NSL1: variants seen among roughly 807,000 people sequenced by gnomAD.
NSL1 encodes the protein kinetochore-associated protein NSL1 homolog.
A neutral mutation model predicts 25.4 loss-of-function variants in NSL1; 11 were observed. That is an observed-to-expected ratio of 0.43 (90% CI 0.27 to 0.72). The LOEUF is 0.72. NSL1 is among the 30% of genes least tolerant of loss of function. The pLI is 0.19. For synonymous variants in NSL1, 118 were observed against 120.6 expected, an observed-to-expected ratio of 0.98 and a Z score of 0.14; for missense variants, 330 against 342.7, an observed-to-expected ratio of 0.96 and a Z score of 0.29.
chr1:212,727,091 G>GT lies in NSL1; in HGVS notation c.*11316_*11317insA, dbSNP rs1558030802. The stretch of plus-strand genomic sequence containing the variant: ...CACCCAGCTTCATCCTCTTCATCTT[G>GT]CCAGTTCACCAGAGGCAGAAGGGAT... On this transcript the variant is annotated 3_prime_UTR_variant, in exon 6 of 6. Coordinates refer to ENST00000366977, the MANE Select transcript of NSL1 (RefSeq NM_015471.4). 1.0e-4 allele frequency: 145 copies of GT among 1,433,480 alleles called. No individual in the cohort carries two copies. In the East Asian group the frequency reaches 1.4e-3, roughly 14 times the overall value. The allele number at this position is 1,433,480 out of a possible 1,614,324, so 88.8% of individuals were successfully genotyped here. A position where few individuals can be genotyped will look rare whatever the true frequency, so the allele number is the denominator to read the frequency against.
chr1:212,773,427 A>C (rs903066506), intron 4 of NSL1, among the ~76,000 whole-genome samples: 1 of 152,248 alleles, frequency 6.6e-6, no homozygotes, highest in Non-Finnish European at 1.5e-5. Flanking sequence ...AGATATATGA[A>C]AAGATGCTCA....
chr1:212,779,966 A>G (rs1471044206), intron 4 of NSL1, among the ~76,000 whole-genome samples: 14 of 150,356 alleles, frequency 9.3e-5, no homozygotes, highest in Non-Finnish European at 1.8e-4. Flanking sequence ...GGAAGTGAGG[A>G]GCCCCTCTGC....
chr1:212,751,113 A>AT (rs772903627), intron 4 of NSL1, among the ~76,000 whole-genome samples: 2 of 152,146 alleles, frequency 1.3e-5, no homozygotes, highest in African/African-American at 2.4e-5. Flanking sequence ...AATACTATTG[A>AT]TTTTTTTTAC....
intron 2 of NSL1, among the ~76,000 whole-genome samples, chr1:212,786,155 T>C (rs757248935): frequency 6.6e-6 from 1 of 151,930 alleles, no homozygotes; most frequent in Non-Finnish European, 1.5e-5. Context: ...CACACACAGA[T>C]TGATTTTCAA....
At chr1:212,779,831 G>T (rs1432857441) in intron 4 of NSL1, among the ~76,000 whole-genome samples, 1 of 142,360 alleles carries the variant, frequency 7.0e-6, no homozygotes, top group East Asian at 2.1e-4. Flanking sequence ...GGAGGGAGGT[G>T]GGGGGGTCAG....
intron 4 of NSL1, among the ~76,000 whole-genome samples, chr1:212,742,905 G>T (rs946847729): frequency 1.3e-5 from 2 of 152,096 alleles, no homozygotes; most frequent in African/African-American, 4.8e-5. Context: ...TGAGATCCCT[G>T]TATTTTGTGT....
Position 212,731,896 on chromosome 1 carries a change from C to T in NSL1, c.*6512G>A. ...ATGTCCTGGGACACCCTACCCTGCC[C>T]CAGGACCCAGCAGCTATAAGGGCCT... On this transcript the variant is annotated 3_prime_UTR_variant, in exon 6 of 6. Transcript: ENST00000366977. 1 of 985,408 alleles carries T rather than the reference C, an allele frequency of 1.0e-6. No homozygotes were observed. Among genetic ancestry groups the T allele is most frequent in the South Asian group, 4.7e-5 (1 of 21,284 alleles). The allele number at this position is 985,408 out of a possible 1,614,324, so 61.0% of individuals were successfully genotyped here.
intron 3 of NSL1, 165 bp downstream of exon 3, chr1:212,784,198 T>C (rs976141811): frequency 1.6e-5 from 7 of 448,870 alleles, no homozygotes; most frequent in Non-Finnish European, 2.8e-5. Context: ...TACTATGTCA[T>C]AGTACAACTT....
rs1657994747 is a variant in NSL1 at position 212,731,097 on chromosome 1, A to AC, written c.*7310dup. 2.0e-6 allele frequency: 2 copies of AC among 984,228 alleles called. No homozygotes were observed. Among genetic ancestry groups the AC allele is most frequent in the Non-Finnish European group, 2.4e-6 (2 of 829,598 alleles). 61.0% of individuals were successfully genotyped at this position (984,228 alleles called of 1,614,324 possible). On this transcript the variant is annotated 3_prime_UTR_variant, in exon 6 of 6. Coordinates refer to ENST00000366977, the MANE Select transcript of NSL1 (RefSeq NM_015471.4). ...ATCCTTTCATATAAAATCCCCAAGA[A>AC]CCCCCTTCAGTGGTTCTCTAGAGAG... is the stretch of plus-strand genomic sequence containing the variant.
In NSL1 at chr1:212,758,528, A is replaced by G. The variant is rs1216137699; in HGVS notation, c.500-18927T>C. 2.6e-5 allele frequency among the ~76,000 whole-genome samples: 4 copies of G among 152,352 alleles called. No homozygotes were observed. In the East Asian group the frequency reaches 7.7e-4, roughly 29 times the overall value. On this transcript the variant is annotated intron_variant, in intron 4 of 5. Coordinates refer to ENST00000366977, the MANE Select transcript of NSL1 (RefSeq NM_015471.4). The stretch of plus-strand genomic sequence containing the variant: ...CACAGTAGCAAAGAAGAAACCAAAA[A>G]TAAAATTTAAAAATAATTCAATTTA...
chr1:212,732,763 C>G lies in NSL1; in HGVS notation c.*5645G>C, dbSNP rs996087473. 1.1e-4 allele frequency: 54 copies of G among 473,960 alleles called. No individual in the cohort carries two copies. The highest frequency in any genetic ancestry group is 1.5e-4 in the Non-Finnish European group (53 of 362,706). 29.4% of individuals were successfully genotyped at this position (473,960 alleles called of 1,614,324 possible). A position where few individuals can be genotyped will look rare whatever the true frequency, so the allele number is the denominator to read the frequency against. On this transcript the variant is annotated 3_prime_UTR_variant, in exon 6 of 6. Coordinates refer to ENST00000366977, the MANE Select transcript of NSL1 (RefSeq NM_015471.4). ...AGAGCACAGCCCCTGGTAGAACCCC[C>G]AAACGGGATGCCTTGGAGGTAATTT...
In NSL1 at chr1:212,784,461, C is replaced by A; in HGVS notation, c.346G>T (p.Asp116Tyr). The A allele has an allele frequency of 6.3e-7, 1 of 1,576,382 alleles. No homozygotes were observed. Among genetic ancestry groups the A allele is most frequent in the South Asian group, 1.2e-5 (1 of 86,042 alleles). ...GTGGCTATATCTACTATGATTTCAT[C>A]AAACTGATCTTCAAGTACTTTGATG... ...SDIKVLEDQF[D>Y]EIIVDIATKR... Residue 116 changes from aspartate to tyrosine, a missense_variant, in exon 3 of 6, where the codon GAT becomes TAT. Transcript: ENST00000366977.
At chr1:212,782,525 T>G in intron 3 of NSL1, 99 bp from the exon 4 acceptor site, 1 of 891,006 alleles carries the variant, frequency 1.1e-6, no homozygotes, top group Non-Finnish European at 1.8e-6. Context: ...GTCAGTACCA[T>G]TCTTTTGAGG....
chr1:212,763,065 G>A (rs1051179137), intron 4 of NSL1, among the ~76,000 whole-genome samples: 3 of 152,226 alleles, frequency 2.0e-5, no homozygotes, highest in Admixed American at 1.3e-4. Flanking sequence ...CCTTGGGCAG[G>A]TCTGAGTTCC....
chr1:212,768,908 A>G (rs1444735592), intron 4 of NSL1, among the ~76,000 whole-genome samples: 1 of 152,084 alleles, frequency 6.6e-6, no homozygotes, highest in Non-Finnish European at 1.5e-5. Flanking sequence ...ATCTAGCAGA[A>G]TAAAGAATTT....
chr1:212,750,146 G>A (rs879832331), intron 4 of NSL1, among the ~76,000 whole-genome samples: 3 of 151,726 alleles, frequency 2.0e-5, no homozygotes, highest in Admixed American at 2.0e-4. Context: ...TGCCTAACGT[G>A]TACAGTAGGT....
rs1660400254 is a variant in NSL1, at chr1:212,776,913, A to G, written c.499+5459T>C. Among the ~76,000 whole-genome samples, 4 of 152,038 alleles carry G rather than the reference A, an allele frequency of 2.6e-5. No homozygotes were observed. In the South Asian group the frequency reaches 8.3e-4, roughly 31 times the overall value. The stretch of plus-strand genomic sequence containing the variant: ...AAAAATAAGACAAACAAATGAATTA[A>G]GTGCTCAATTCAAGAAGCTAAAAAT... On this transcript the variant is annotated intron_variant, in intron 4 of 5. Coordinates refer to ENST00000366977, the MANE Select transcript of NSL1 (RefSeq NM_015471.4).
At position 212,729,895 on chromosome 1, in the gene NSL1, G is replaced by A; in HGVS notation, c.*8513C>T. The A allele has an allele frequency of 3.0e-6, 3 of 985,340 alleles. No homozygotes were observed. Among genetic ancestry groups the A allele is most frequent in the Non-Finnish European group, 3.6e-6 (3 of 829,912 alleles). The allele number at this position is 985,340 out of a possible 1,614,324, so 61.0% of individuals were successfully genotyped here. A position where few individuals can be genotyped will look rare whatever the true frequency, so the allele number is the denominator to read the frequency against. On this transcript the variant is annotated 3_prime_UTR_variant, in exon 6 of 6. Transcript: ENST00000366977. ...TGACCCAGGCAGCAAGGACCCTGAG[G>A]GGGCAGGTAACCAGAAGCTGCCTTG...
chr1:212,779,608 G>T (rs71515162), intron 4 of NSL1, among the ~76,000 whole-genome samples: 6,352 of 57,954 alleles, frequency 0.11, 1,697 homozygotes, highest in Non-Finnish European at 0.19. Flanking sequence ...AGGGAGGTGG[G>T]GGGGTCAGCC....
Sources: gnomAD v4.1 joint callset for allele counts (sites outside exome capture counted in the v4.1 genomes callset) on GRCh38, gnomAD v4.1.1 for gene constraint, MANE v1.5 for transcripts, NCBI Gene and HGNC (gene_info 2026-07-23, HGNC 2026-07-21) for gene names.